SIDT1: variants seen among roughly 807,000 people sequenced by gnomAD.
SIDT1 encodes the protein SID1 transmembrane family, member 1.
SIDT1 carries 101 observed loss-of-function variants against 107.5 expected under a neutral mutation model. The ratio of observed to expected loss-of-function variants is 0.94; its 90% confidence interval spans 0.80 to 1.11. SIDT1 has a LOEUF of 1.11. Ranked by LOEUF, SIDT1 falls within the 50% of genes least tolerant of loss-of-function variation. SIDT1 has a pLI of 0.00. For missense variants in SIDT1, 1,076 were observed against 1,058.2 expected (o/e 1.02, Z -0.23); for synonymous variants, 395 against 398.2 (o/e 0.99, Z 0.10).
intron 10 of SIDT1, among the ~76,000 whole-genome samples, chr3:113,596,661 A>G (rs1358219582): frequency 6.6e-6 from 1 of 152,088 alleles, no homozygotes; most frequent in Non-Finnish European, 1.5e-5. Context: ...CTCTAAAACC[A>G]TTTCCTCCAC....
intron 1 of SIDT1, among the ~76,000 whole-genome samples, chr3:113,545,919 A>G (rs1939533330): frequency 6.6e-6 from 1 of 152,238 alleles, no homozygotes; most frequent in Non-Finnish European, 1.5e-5. Flanking sequence ...CTGAAATATG[A>G]TAAACTTTGC....
At chr3:113,578,413 G>A (rs926767137) in intron 4 of SIDT1, among the ~76,000 whole-genome samples, 1 of 150,034 alleles carries the variant, frequency 6.7e-6, no homozygotes, top group Non-Finnish European at 1.5e-5. Context: ...CTTGCAGTGA[G>A]CCAAGATTGA....
In SIDT1 at chr3:113,532,908, C is replaced by T; in HGVS notation, c.-114C>T. 1 of 702,706 alleles carries T rather than the reference C, an allele frequency of 1.4e-6. No individual in the cohort carries two copies. The highest frequency in any genetic ancestry group is 2.0e-6 in the Non-Finnish European group (1 of 490,832). The allele number at this position is 702,706 out of a possible 1,614,324, so 43.5% of individuals were successfully genotyped here. ...GCCGGCTGGGTTCGCCAGGCATCAC[C>T]CGCTCGGCTCTGAAGCGGACGCCTG... On this transcript the variant is annotated 5_prime_UTR_variant, in exon 1 of 25. Transcript: ENST00000264852.
chr3:113,608,686 C>A, intron 17 of SIDT1, 150 bp downstream of exon 17: 1 of 650,394 alleles, frequency 1.5e-6, no homozygotes, highest in Non-Finnish European at 2.7e-6. Context: ...CAGAGCATGA[C>A]CTAATTGAGC....
Position 113,546,415 on chromosome 3 carries a change from C to T in SIDT1, c.222+13172C>T, listed in dbSNP as rs78608523. Among the ~76,000 whole-genome samples, 362 of 152,132 alleles carry T rather than the reference C, an allele frequency of 2.4e-3. 1 individual carries two copies. Among genetic ancestry groups the T allele is most frequent in the African/African-American group, 8.2e-3 (342 of 41,480 alleles). ...TAGAAGATTCCCATAGGGTTCTTCA[C>T]TTCTTGAAAGTGATTTTATTTTGTT... is the stretch of plus-strand genomic sequence containing the variant. On this transcript the variant is annotated intron_variant, in intron 1 of 24. Transcript: ENST00000264852.
chr3:113,628,988 C>T lies in SIDT1; in HGVS notation c.*1280C>T, dbSNP rs1307173206. 1 of 152,210 alleles carries T rather than the reference C, an allele frequency of 6.6e-6. No homozygotes were observed. Among genetic ancestry groups the T allele is most frequent in the Non-Finnish European group, 1.5e-5 (1 of 68,052 alleles). 9.4% of individuals were successfully genotyped at this position (152,210 alleles called of 1,614,324 possible). A position where few individuals can be genotyped will look rare whatever the true frequency, so the allele number is the denominator to read the frequency against. ...CTGTGTCTGAGAAGTTCTACATTGA[C>T]CAGGCCCCCTTGTTGCCTGGAGTAT... On this transcript the variant is annotated 3_prime_UTR_variant, in exon 25 of 25. Transcript: ENST00000264852.
In SIDT1 at chr3:113,537,096, C is replaced by G. The variant is rs192634437; in HGVS notation, c.222+3853C>G. Among the ~76,000 whole-genome samples, 7 of 152,190 alleles carry G rather than the reference C, an allele frequency of 4.6e-5. No homozygotes were observed. The East Asian group carries it at 1.3e-3, about 29-fold the overall frequency. On this transcript the variant is annotated intron_variant, in intron 1 of 24. Coordinates refer to ENST00000264852, the MANE Select transcript of SIDT1 (RefSeq NM_017699.3). Reference sequence around the variant, plus strand: ...TTTGAGCTAGATGGTGATAAGAAACCCTTAAATAAAATCTAACCACTGGGC... The same window carrying G: ...TTTGAGCTAGATGGTGATAAGAAACGCTTAAATAAAATCTAACCACTGGGC...
At chr3:113,617,458 A>C (rs1370988183) in intron 20 of SIDT1, among the ~76,000 whole-genome samples, 1 of 152,212 alleles carries the variant, frequency 6.6e-6, no homozygotes, top group East Asian at 1.9e-4. Flanking sequence ...AGTCAGAACT[A>C]GTGATGCTAG....
chr3:113,613,322 A>T (rs1945882829), intron 19 of SIDT1, among the ~76,000 whole-genome samples: 1 of 152,192 alleles, frequency 6.6e-6, no homozygotes, highest in East Asian at 1.9e-4. Context: ...GCAGGTAGAC[A>T]CTTCTGGCTC....
chr3:113,543,804 T>C (rs1939229122), intron 1 of SIDT1, among the ~76,000 whole-genome samples: 1 of 152,240 alleles, frequency 6.6e-6, no homozygotes, highest in African/African-American at 2.4e-5. Flanking sequence ...TGTTTCCCAA[T>C]CATTAACATT....
In SIDT1 at chr3:113,580,636, T is replaced by TG; in HGVS notation, c.592dup (p.Asp198GlyfsTer6). On this transcript the variant is annotated frameshift_variant, in exon 5 of 25. Coordinates refer to ENST00000264852, the MANE Select transcript of SIDT1 (RefSeq NM_017699.3). LOFTEE classifies it high-confidence loss of function. Reference sequence around the variant, plus strand: ...TTTCTATACAAGTTTCCCAAAGACGTGGACTCAGTTATCATTAAAGTGGTG... The same window carrying TG: ...TTTCTATACAAGTTTCCCAAAGACGTGGGACTCAGTTATCATTAAAGTGGTG... 1.9e-6 allele frequency: 3 copies of TG among 1,611,308 alleles called. No homozygotes were observed. Among genetic ancestry groups the TG allele is most frequent in the Non-Finnish European group, 2.5e-6 (3 of 1,177,542 alleles).
Position 113,580,722 on chromosome 3 carries a change from A to ATCAGC in SIDT1, c.663+13_663+14insTCAGC. 1 of 1,523,792 alleles carries ATCAGC rather than the reference A, an allele frequency of 6.6e-7. No individual in the cohort carries two copies. The highest frequency in any genetic ancestry group is 9.1e-7 in the Non-Finnish European group (1 of 1,098,136). 94.4% of individuals were successfully genotyped at this position (1,523,792 alleles called of 1,614,324 possible). A position where few individuals can be genotyped will look rare whatever the true frequency, so the allele number is the denominator to read the frequency against. On this transcript the variant is annotated intron_variant, in intron 5 of 24. Transcript: ENST00000264852. ...CCAGAATATCATGGTGAGTGCTGAT[A>ATCAGC]ACTTGCCAACCTTCTACTATAGAGC...
chr3:113,596,883 C>A (rs1295360583), intron 10 of SIDT1, among the ~76,000 whole-genome samples: 4 of 152,120 alleles, frequency 2.6e-5, no homozygotes, highest in African/African-American at 9.7e-5. Context: ...ATTTAAGAAC[C>A]AAATGGCCAA....
Position 113,567,626 on chromosome 3 carries a change from T to C in SIDT1, c.431T>C (p.Leu144Pro), listed in dbSNP as rs1464687276. The change falls in exon 3 of 25, where the codon CTG (leucine) becomes CCG (proline). Residue 144 changes from leucine (L) to proline (P), a missense_variant. Physicochemically the swap from Leu to Pro is moderately conservative, Grantham distance 98 (BLOSUM62 -3). Transcript: ENST00000264852. ...ATNETGPLQQ[L>P]IFVDVASMAP... The stretch of plus-strand genomic sequence containing the variant: ...AATGAGACGGGACCCTTGCAGCAAC[T>C]GATATTTGTAGATGTCGCATCCATG... 2 of 1,614,100 alleles carry C rather than the reference T, an allele frequency of 1.2e-6. No individual in the cohort carries two copies. The highest frequency in any genetic ancestry group is 1.1e-5 in the South Asian group (1 of 91,076).
At position 113,533,405 on chromosome 3, in the gene SIDT1, C is replaced by T. The variant is rs73243148; in HGVS notation, c.222+162C>T. On this transcript the variant is annotated intron_variant, in intron 1 of 24. Transcript: ENST00000264852. ...AGCAATCGCTGCCCTGCCCTAGCTG[C>T]CTCAACACGCCTCGGGGACAACTCT... Among the ~76,000 whole-genome samples, 1,137 of 152,328 alleles carry T rather than the reference C, an allele frequency of 7.5e-3. 11 individuals are homozygous for T. Among genetic ancestry groups the T allele is most frequent in the Non-Finnish European group, 0.011 (730 of 68,032 alleles).
intron 23 of SIDT1, among the ~76,000 whole-genome samples, chr3:113,624,743 C>T (rs988479925): frequency 2.0e-5 from 3 of 152,066 alleles, no homozygotes; most frequent in African/African-American, 4.8e-5. Context: ...TCTGTCTTCA[C>T]GGGATCCACT....
At chr3:113,632,223 T>C (rs987005098), downstream of SIDT1, among the ~76,000 whole-genome samples, 2 of 152,250 alleles carry the variant, frequency 1.3e-5, no homozygotes, top group African/African-American at 4.8e-5. Flanking sequence ...AGAAAACTGA[T>C]ATACAATCTC....
intron 23 of SIDT1, among the ~76,000 whole-genome samples, chr3:113,624,103 T>C (rs1490277129): frequency 6.6e-6 from 1 of 152,148 alleles, no homozygotes; most frequent in African/African-American, 2.4e-5. Flanking sequence ...ATCCAGTCCA[T>C]AGATAACAGA....
intron 15 of SIDT1, among the ~76,000 whole-genome samples, chr3:113,607,323 G>A (rs1490972430): frequency 6.6e-6 from 1 of 152,206 alleles, no homozygotes; most frequent in East Asian, 1.9e-4. Context: ...CATACTGCCT[G>A]CTGAGATGAG....
Sources: allele counts gnomAD v4.1 joint callset (sites outside exome capture counted in the v4.1 genomes callset), GRCh38; gene constraint gnomAD v4.1.1; transcripts MANE v1.5; gene names NCBI Gene and HGNC (gene_info 2026-07-23, HGNC 2026-07-21).